ZNF236: variants seen among roughly 807,000 people sequenced by gnomAD.
ZNF236 encodes regulated by glucose.
ZNF236 carries 50 observed loss-of-function variants against 191.2 expected under a neutral mutation model. The observed-to-expected ratio is 0.26, with a 90% confidence interval of 0.21 to 0.33. The LOEUF (loss-of-function observed/expected upper bound fraction) is 0.33, where lower values mean the gene tolerates loss of function less well. Among genes scored for constraint, ZNF236 ranks in the 10% least tolerant of loss-of-function variants. The probability of loss-of-function intolerance (pLI) is 1.00; values close to 1 mark genes in which losing one functional copy is unlikely to be tolerated. For missense variants in ZNF236, 1,754 were observed against 2,374.5 expected, an observed-to-expected ratio of 0.74 and a Z score of 5.43; for synonymous variants, 907 against 928.8, an observed-to-expected ratio of 0.98 and a Z score of 0.43.
chr18:76,836,214 C>G (rs2122422932), intron 1 of ZNF236, among the ~76,000 whole-genome samples: 1 of 151,866 alleles, frequency 6.6e-6, no homozygotes, highest in Middle Eastern at 3.4e-3. Flanking sequence ...CCTATACAGT[C>G]TTTATAATTT....
intron 1 of ZNF236, among the ~76,000 whole-genome samples, chr18:76,842,738 T>C (rs909306215): frequency 6.7e-6 from 1 of 148,926 alleles, no homozygotes; most frequent in African/African-American, 2.5e-5. Context: ...GCAACAAGAG[T>C]GAAACTCTGT....
At chr18:76,912,009 A>C (rs925578161) in intron 16 of ZNF236, among the ~76,000 whole-genome samples, 1 of 152,184 alleles carries the variant, frequency 6.6e-6, no homozygotes, top group Non-Finnish European at 1.5e-5. Context: ...TGGTTGATTA[A>C]GCTTTGTATT....
intron 17 of ZNF236, among the ~76,000 whole-genome samples, chr18:76,913,152 A>G (rs1313111048): frequency 1.3e-5 from 2 of 152,244 alleles, no homozygotes; most frequent in Admixed American, 1.3e-4. Context: ...TAAGCTTTTA[A>G]TAATATGTGA....
Position 76,912,357 on chromosome 18 carries a change from T to C in ZNF236, c.2909+10T>C, listed in dbSNP as rs1488780946. ...GCAGGCGCTCTTACAGGTAGTTGTC[T>C]GCACAGACCAGCTCATGGTATTGCC... On this transcript the variant is annotated intron_variant, in intron 17 of 30. Transcript: ENST00000320610. The C allele has an allele frequency of 1.2e-6, 2 of 1,606,712 alleles. No individual in the cohort carries two copies. Among genetic ancestry groups the C allele is most frequent in the East Asian group, 2.2e-5 (1 of 44,862 alleles).
chr18:76,884,251 A>C (rs1976981601), intron 9 of ZNF236, among the ~76,000 whole-genome samples: 1 of 151,918 alleles, frequency 6.6e-6, no homozygotes, highest in Non-Finnish European at 1.5e-5. Context: ...AATACAAAAA[A>C]TTAGCTGGGT....
intron 1 of ZNF236, among the ~76,000 whole-genome samples, chr18:76,841,271 C>T (rs1341918646): frequency 6.6e-6 from 1 of 151,800 alleles, no homozygotes; most frequent in African/African-American, 2.4e-5. Flanking sequence ...CAAGGTTTCA[C>T]CATGTTGGTC....
chr18:76,866,157 A>G (rs1323009788), intron 3 of ZNF236, among the ~76,000 whole-genome samples: 1 of 152,228 alleles, frequency 6.6e-6, no homozygotes, highest in Non-Finnish European at 1.5e-5. Context: ...TGTTTGGAGA[A>G]ACAACACATG....
rs150171940 is a variant in ZNF236 at position 76,932,459 on chromosome 18, G to A, written c.4594+4353G>A. 2.8e-3 allele frequency among the ~76,000 whole-genome samples: 422 copies of A among 152,352 alleles called. 3 individuals are homozygous for A. Among genetic ancestry groups the A allele is most frequent in the Non-Finnish European group, 4.1e-3 (276 of 68,040 alleles). On this transcript the variant is annotated intron_variant, in intron 25 of 30. Coordinates refer to ENST00000320610, the MANE Select transcript of ZNF236 (RefSeq NM_001306089.2). ...TGTGGTTTTTAAAGGATCAGGCAGT[G>A]TGTTCTTCTCATCTCTAGAATTCTA...
At chr18:76,871,149 C>T (rs1389971660) in intron 4 of ZNF236, among the ~76,000 whole-genome samples, 1 of 152,062 alleles carries the variant, frequency 6.6e-6, no homozygotes, top group Non-Finnish European at 1.5e-5. Flanking sequence ...TAAATTTGTG[C>T]AAGAGGGAGC....
At chr18:76,846,993 A>C (rs115220997) in intron 1 of ZNF236, among the ~76,000 whole-genome samples, 1 of 151,922 alleles carries the variant, frequency 6.6e-6, no homozygotes, top group African/African-American at 2.4e-5. Flanking sequence ...GGGTATCACT[A>C]TGTTGGCCAG....
chr18:76,874,746 C>T (rs891494637), intron 5 of ZNF236, among the ~76,000 whole-genome samples: 6 of 148,120 alleles, frequency 4.1e-5, no homozygotes, highest in African/African-American at 1.3e-4. Flanking sequence ...GGGCAAGAAC[C>T]GCCCAGGCGG....
intron 6 of ZNF236, 129 bp from the exon 7 acceptor site, chr18:76,877,880 G>A: frequency 6.2e-6 from 4 of 649,852 alleles, no homozygotes; most frequent in Non-Finnish European, 2.4e-6. Flanking sequence ...AAGAAAAAAG[G>A]TAATGTTGAA....
At chr18:76,847,853 G>T (rs887976021) in intron 1 of ZNF236, among the ~76,000 whole-genome samples, 1 of 152,132 alleles carries the variant, frequency 6.6e-6, no homozygotes, top group African/African-American at 2.4e-5. Flanking sequence ...TTGGAAGTAT[G>T]GTCTTTGAAC....
rs538573035 is a variant in ZNF236 at position 76,971,807 on chromosome 18, A to C, written c.*3468A>C. ...TAAATCAATTTCAAGATTTATGTAC[A>C]TAAGATTTTTAAAGGAAATAGGTAA... On this transcript the variant is annotated 3_prime_UTR_variant, in exon 31 of 31. Transcript: ENST00000320610. Among the ~76,000 whole-genome samples the C allele has an allele frequency of 5.9e-5, 9 of 152,370 alleles. No individual in the cohort carries two copies. The highest frequency in any genetic ancestry group is 2.2e-4 in the African/African-American group (9 of 41,586).
chr18:76,887,379 A>G (rs1377169298), intron 9 of ZNF236: 1 of 150,970 alleles, frequency 6.6e-6, no homozygotes, highest in Admixed American at 6.6e-5. Flanking sequence ...GTCTAAATAA[A>G]TAAATAAATA....
At chr18:76,893,042 T>C (rs1345410044) in intron 9 of ZNF236, among the ~76,000 whole-genome samples, 1 of 152,224 alleles carries the variant, frequency 6.6e-6, no homozygotes. Context: ...GGAGACAGCT[T>C]CAGGACTTCC....
Position 76,899,110 on chromosome 18 carries a change from G to A in ZNF236, c.1782G>A (p.Thr594=), listed in dbSNP as rs1191711563. ...ACATTGCTTCCCACTTTAAACATAC[G>A]GAATTAAGGAAAATGAGGCACCAGC... ...KTHIASHFKH[T]ELRKMRHQRK... Residue 594 remains threonine (T), a synonymous_variant, in exon 11 of 31, where the codon ACG becomes ACA. Transcript: ENST00000320610. 10 of 1,613,982 alleles carry A rather than the reference G, an allele frequency of 6.2e-6. No homozygotes were observed. In the East Asian group the frequency reaches 1.1e-4, roughly 18 times the overall value.
rs1967469289 is a variant in ZNF236, at chr18:76,919,321, A to G, written c.3275-455A>G. Among the ~76,000 whole-genome samples the G allele has an allele frequency of 6.6e-6, 1 of 152,142 alleles. No individual in the cohort carries two copies. Among genetic ancestry groups the G allele is most frequent in the Non-Finnish European group, 1.5e-5 (1 of 68,028 alleles). ...ATATTTCTACATATTTATGACGCAC[A>G]TGTGATATTTTGTTTCATGTATAGA... On this transcript the variant is annotated intron_variant, in intron 19 of 30. Coordinates refer to ENST00000320610, the MANE Select transcript of ZNF236 (RefSeq NM_001306089.2). This position sits in a 1 kb window ranked among gnomAD's most constrained non-coding sequence, Gnocchi z 5.3.
At position 76,913,598 on chromosome 18, in the gene ZNF236, G is replaced by A. The variant is rs1967276817; in HGVS notation, c.2910-149G>A. On this transcript the variant is annotated intron_variant, in intron 17 of 30. Coordinates refer to ENST00000320610, the MANE Select transcript of ZNF236 (RefSeq NM_001306089.2). The stretch of plus-strand genomic sequence containing the variant: ...TATACTTTATAATTTCTTCAATGTT[G>A]GAGAGCACACCTAGGTTCTATAACA... 8 of 734,838 alleles carry A rather than the reference G, an allele frequency of 1.1e-5. No individual in the cohort carries two copies. The Admixed American group carries it at 2.1e-4, about 19-fold the overall frequency. The allele number at this position is 734,838 out of a possible 1,614,324, so 45.5% of individuals were successfully genotyped here. A position where few individuals can be genotyped will look rare whatever the true frequency, so the allele number is the denominator to read the frequency against.
Sources: allele counts gnomAD v4.1 joint callset (sites outside exome capture counted in the v4.1 genomes callset), GRCh38; gene constraint gnomAD v4.1.1; non-coding constraint Gnocchi (gnomAD v3.1); transcripts MANE v1.5; gene names NCBI Gene and HGNC (gene_info 2026-07-23, HGNC 2026-07-21).